Variants in PDE1C observed in about 807,000 individuals in gnomAD.
PDE1C encodes the protein dual specificity calcium/calmodulin-dependent 3',5'-cyclic nucleotide phosphodiesterase 1C.
A neutral mutation model predicts 93.1 loss-of-function variants in PDE1C; 62 were observed. That is an observed-to-expected ratio of 0.67 (90% CI 0.54 to 0.82). The LOEUF is 0.82. Ranked by LOEUF, PDE1C falls within the 40% of genes least tolerant of loss-of-function variation. The probability of loss-of-function intolerance (pLI) is 0.00; values close to 1 mark genes in which losing one functional copy is unlikely to be tolerated. For synonymous variants in PDE1C, 325 were observed against 310.1 expected (o/e 1.05, Z -0.50); for missense variants, 742 against 884.6 (o/e 0.84, Z 2.04).
intron 3 of PDE1C, among the ~76,000 whole-genome samples, chr7:32,085,734 C>T (rs1333970135): frequency 6.6e-6 from 1 of 151,804 alleles, no homozygotes; most frequent in African/African-American, 2.4e-5. Flanking sequence ...AGCATATAAA[C>T]AGAACCAAAG....
chr7:32,387,613 G>A (rs1784657836), intron 1 of PDE1C, among the ~76,000 whole-genome samples: 1 of 147,602 alleles, frequency 6.8e-6, no homozygotes, highest in African/African-American at 2.6e-5. Context: ...GGATGGGGCG[G>A]CTGGCCAGGC....
chr7:31,775,767 G>A (rs1279037167), intron 16 of PDE1C, 35 bp from the exon 17 acceptor site: 1 of 1,570,112 alleles, frequency 6.4e-7, no homozygotes, highest in Admixed American at 1.7e-5. Flanking sequence ...GGAAAAGTAG[G>A]ATTGTGGAAA....
At chr7:31,983,419 C>G (rs1344901473) in intron 2 of PDE1C, among the ~76,000 whole-genome samples, 2 of 152,152 alleles carry the variant, frequency 1.3e-5, no homozygotes, top group Non-Finnish European at 2.9e-5. Context: ...TCATGGATGA[C>G]TCCCTAAAAC....
At chr7:31,790,768 C>T (rs368264148) in intron 16 of PDE1C, among the ~76,000 whole-genome samples, 46 of 152,140 alleles carry the variant, frequency 3.0e-4, no homozygotes, top group African/African-American at 1.1e-3. Context: ...GGGTGAATCA[C>T]CTGAGTTCTC....
At chr7:31,840,734 G>A (rs902458027) in intron 9 of PDE1C, among the ~76,000 whole-genome samples, 5 of 152,056 alleles carry the variant, frequency 3.3e-5, no homozygotes, top group African/African-American at 1.2e-4. Flanking sequence ...ATCAATTGAT[G>A]AGTCAATTTC....
intron 3 of PDE1C, among the ~76,000 whole-genome samples, chr7:32,084,992 C>T (rs199620184): frequency 0.71 from 77,988 of 109,926 alleles, 28,615 homozygotes; most frequent in East Asian, 0.82. Context: ...AGGCAAGAAA[C>T]AACTAAAATC....
At chr7:31,678,099 C>T in the PDE1C span, among the ~76,000 whole-genome samples, 1 of 152,070 alleles carries the variant, frequency 6.6e-6, no homozygotes, top group Non-Finnish European at 1.5e-5. Context: ...ACGAGTAAGA[C>T]TAAAAAACAG....
intron 1 of PDE1C, among the ~76,000 whole-genome samples, chr7:32,258,339 G>C (rs1809954644): frequency 6.6e-6 from 1 of 152,218 alleles, no homozygotes; most frequent in Non-Finnish European, 1.5e-5. Context: ...ATTCAAAGCT[G>C]TGAGATGAAA....
Position 32,420,385 on chromosome 7 carries a change from A to ATGTG in PDE1C, c.310+7436_310+7437insCACA, listed in dbSNP as rs1373548099. 6.3e-5 allele frequency among the ~76,000 whole-genome samples: 5 copies of ATGTG among 79,598 alleles called. 2 individuals carry two copies. Among genetic ancestry groups the ATGTG allele is most frequent in the Non-Finnish European group, 4.9e-5 (2 of 41,154 alleles). The allele number at this position is 79,598 out of a possible 152,430, so 52.2% of individuals were successfully genotyped here. On this transcript the variant is annotated intron_variant, in intron 1 of 1. Coordinates refer to the PDE1C transcript ENST00000672256. ...TATATGTGTATATATATGTGTATAT[A>ATGTG]TATATATACACACACACACACACAC...
chr7:32,134,336 A>G (rs1430086163), intron 3 of PDE1C, among the ~76,000 whole-genome samples: 1 of 152,180 alleles, frequency 6.6e-6, no homozygotes, highest in Non-Finnish European at 1.5e-5. Context: ...AAAGCCACAC[A>G]TATCTTCATT....
At chr7:32,321,778 T>C (rs1379835199) in intron 1 of PDE1C, among the ~76,000 whole-genome samples, 2 of 152,188 alleles carry the variant, frequency 1.3e-5, no homozygotes, top group African/African-American at 4.8e-5. Context: ...CTACGAATGC[T>C]TCCTGAATTA....
chr7:31,982,843 C>A (rs1352951289), intron 2 of PDE1C, among the ~76,000 whole-genome samples: 1 of 152,156 alleles, frequency 6.6e-6, no homozygotes, highest in Non-Finnish European at 1.5e-5. Flanking sequence ...TATTGTTGAA[C>A]CCCATGGGCT....
At chr7:32,085,871 T>G (rs1797037804) in intron 3 of PDE1C, among the ~76,000 whole-genome samples, 1 of 146,202 alleles carries the variant, frequency 6.8e-6, no homozygotes, top group Non-Finnish European at 1.5e-5. Flanking sequence ...ATCAGAGCTA[T>G]CTATGACAAA....
intron 9 of PDE1C, among the ~76,000 whole-genome samples, chr7:31,843,553 C>A (rs931168610): frequency 6.6e-6 from 1 of 151,778 alleles, no homozygotes; most frequent in Non-Finnish European, 1.5e-5. Context: ...CATACTTTTA[C>A]TTTGAACCTT....
chr7:31,630,244 C>CAAAAAAAAA, the PDE1C span, among the ~76,000 whole-genome samples: 1 of 103,716 alleles, frequency 9.6e-6, no homozygotes, highest in Non-Finnish European at 1.8e-5. Flanking sequence ...GTCTACTTGG[C>CAAAAAAAAA]AAAAAAAAAA....
chr7:32,243,058 C>A (rs557273561), intron 1 of PDE1C, among the ~76,000 whole-genome samples: 1 of 152,248 alleles, frequency 6.6e-6, no homozygotes, highest in South Asian at 2.1e-4. Context: ...CTGACACAAA[C>A]GAGTTACTCC....
chr7:32,245,505 C>T (rs187467061), intron 1 of PDE1C, among the ~76,000 whole-genome samples: 6 of 152,268 alleles, frequency 3.9e-5, no homozygotes, highest in African/African-American at 9.6e-5. Flanking sequence ...CTTCCCCTTT[C>T]GCCACCTTCC....
intron 3 of PDE1C, among the ~76,000 whole-genome samples, chr7:32,133,948 T>G (rs1563340901): frequency 6.6e-6 from 1 of 151,702 alleles, no homozygotes; most frequent in Non-Finnish European, 1.5e-5. Flanking sequence ...TATTTATATC[T>G]TATAAATATA....
At chr7:31,721,400 T>A in the PDE1C span, among the ~76,000 whole-genome samples, 1 of 152,208 alleles carries the variant, frequency 6.6e-6, no homozygotes, top group Middle Eastern at 3.2e-3. Flanking sequence ...CTTGAGCACT[T>A]GAAATGTGGC....
Sources: gnomAD v4.1 joint callset for allele counts (sites outside exome capture counted in the v4.1 genomes callset) on GRCh38, gnomAD v4.1.1 for gene constraint, MANE v1.5 for transcripts, NCBI Gene and HGNC (gene_info 2026-07-23, HGNC 2026-07-21) for gene names.